Variants in TCF7L1 observed in about 807,000 individuals in gnomAD.
The protein encoded by TCF7L1 is transcription factor 7 like 1, also known as transcription factor 7-like 1.
Under a neutral mutation model 63.7 loss-of-function variants are expected in TCF7L1, and 18 were observed. The ratio of observed to expected loss-of-function variants is 0.28; its 90% confidence interval spans 0.20 to 0.42. The LOEUF (loss-of-function observed/expected upper bound fraction) is 0.42. Ranked by LOEUF, TCF7L1 falls within the 10% of genes least tolerant of loss-of-function variation. TCF7L1 has a pLI of 1.00. For synonymous variants in TCF7L1, 355 were observed against 340.9 expected (o/e 1.04, Z -0.46); for missense variants, 654 against 779.3 (o/e 0.84, Z 1.91).
chr2:85,206,277 G>A (rs1278172293), intron 3 of TCF7L1, among the ~76,000 whole-genome samples: 1 of 152,242 alleles, frequency 6.6e-6, no homozygotes, highest in Admixed American at 6.5e-5. Flanking sequence ...TGGCCATCTT[G>A]TGTGTTGGCT....
At chr2:85,185,564 C>T (rs1678899873) in intron 3 of TCF7L1, among the ~76,000 whole-genome samples, 1 of 152,134 alleles carries the variant, frequency 6.6e-6, no homozygotes. Context: ...AGCCAGAGCT[C>T]CTCATGGAAG....
intron 3 of TCF7L1, among the ~76,000 whole-genome samples, chr2:85,220,216 G>C (rs1679810608): frequency 6.6e-6 from 1 of 152,062 alleles, no homozygotes; most frequent in South Asian, 2.1e-4. Context: ...ATGAATGACA[G>C]ATCGGATACT....
chr2:85,155,641 A>G (rs1442895291), intron 3 of TCF7L1, among the ~76,000 whole-genome samples: 3 of 152,192 alleles, frequency 2.0e-5, no homozygotes, highest in African/African-American at 7.2e-5. Flanking sequence ...TCATAATTCT[A>G]GTTAATTTAC....
At chr2:85,243,452 G>T (rs1354419220) in intron 3 of TCF7L1, among the ~76,000 whole-genome samples, 1 of 152,148 alleles carries the variant, frequency 6.6e-6, no homozygotes, top group Non-Finnish European at 1.5e-5. Context: ...CCCCCTCTGT[G>T]CAGGGTTCGA....
At chr2:85,225,039 C>G (rs960079512) in intron 3 of TCF7L1, among the ~76,000 whole-genome samples, 37 of 152,146 alleles carry the variant, frequency 2.4e-4, no homozygotes, top group African/African-American at 8.7e-4. Flanking sequence ...AATAGGGAAT[C>G]CTTTCCCCAT....
intron 3 of TCF7L1, among the ~76,000 whole-genome samples, chr2:85,236,551 GA>G (rs1680197026): frequency 6.6e-6 from 1 of 152,172 alleles, no homozygotes; most frequent in South Asian, 2.1e-4. Flanking sequence ...AGAGAAAGGT[GA>G]GAGACAGGTG....
intron 3 of TCF7L1, among the ~76,000 whole-genome samples, chr2:85,196,660 A>G (rs559474321): frequency 6.6e-6 from 1 of 152,124 alleles, no homozygotes; most frequent in Admixed American, 6.5e-5. Flanking sequence ...GCAAGCCACC[A>G]CACCCAGCCC....
At chr2:85,282,793 ATTGT>A (rs1311135559) in intron 3 of TCF7L1, among the ~76,000 whole-genome samples, 5 of 56,572 alleles carry the variant, frequency 8.8e-5, no homozygotes, top group African/African-American at 2.5e-4. Context: ...AGAGAGAGAG[ATTGT>A]GTGTGTGTGT....
intron 3 of TCF7L1, among the ~76,000 whole-genome samples, chr2:85,203,167 G>A (rs1679317120): frequency 6.6e-6 from 1 of 152,112 alleles, no homozygotes; most frequent in Admixed American, 6.6e-5. Context: ...AGGTTAAAGT[G>A]TATTCTCCAT....
intron 3 of TCF7L1, among the ~76,000 whole-genome samples, chr2:85,185,960 ATTTTTTTT>A (rs67142055): frequency 1.1e-5 from 1 of 94,642 alleles, no homozygotes; most frequent in African/African-American, 4.5e-5. Context: ...AACACAGGGG[ATTTTTTTT>A]TTTTTTTTTT....
At chr2:85,201,001 G>A (rs1679257242) in intron 3 of TCF7L1, among the ~76,000 whole-genome samples, 1 of 152,192 alleles carries the variant, frequency 6.6e-6, no homozygotes, top group South Asian at 2.1e-4. Context: ...GGGAGTTCAA[G>A]TCTAGCCTGG....
chr2:85,180,735 A>G (rs888518338), intron 3 of TCF7L1, among the ~76,000 whole-genome samples: 1 of 152,188 alleles, frequency 6.6e-6, no homozygotes, highest in African/African-American at 2.4e-5. Context: ...GCCCGTTCCA[A>G]GTATCTGTAT....
chr2:85,301,649 G>A (rs983625055), intron 4 of TCF7L1, among the ~76,000 whole-genome samples: 6 of 152,162 alleles, frequency 3.9e-5, no homozygotes, highest in African/African-American at 1.2e-4. Flanking sequence ...AGTGAGGTCA[G>A]CAGAGTAAAG....
intron 3 of TCF7L1, among the ~76,000 whole-genome samples, chr2:85,273,640 C>G (rs1681205617): frequency 6.6e-6 from 1 of 152,184 alleles, no homozygotes; most frequent in Admixed American, 6.5e-5. Context: ...TGATTCCCCT[C>G]ACAGCTGGAA....
At chr2:85,282,163 T>C (rs1470545509) in intron 3 of TCF7L1, among the ~76,000 whole-genome samples, 1 of 152,182 alleles carries the variant, frequency 6.6e-6, no homozygotes, top group Non-Finnish European at 1.5e-5. Flanking sequence ...ATTTTTTGTT[T>C]TTTTAGTAGA....
At position 85,306,192 on chromosome 2, in the gene TCF7L1, A is replaced by C; in HGVS notation, c.990-14A>C. 6.2e-7 allele frequency: 1 copy of C among 1,614,068 alleles called. No individual in the cohort carries two copies. The highest frequency in any genetic ancestry group is 1.3e-5 in the African/African-American group (1 of 75,012). Reference sequence around the variant, plus strand: ...ACACCTGACATGCTAACCTACAACCACGTGCCTTCCCAGGAAATCACCAGT... The same window carrying C: ...ACACCTGACATGCTAACCTACAACCCCGTGCCTTCCCAGGAAATCACCAGT... On this transcript the variant is annotated splice_polypyrimidine_tract_variant and intron_variant, in intron 8 of 11. Coordinates refer to ENST00000282111, the MANE Select transcript of TCF7L1 (RefSeq NM_031283.3). This position sits in a 1 kb window ranked among gnomAD's most constrained non-coding sequence, Gnocchi z 4.3.
intron 3 of TCF7L1, among the ~76,000 whole-genome samples, chr2:85,203,576 T>A (rs139266725): frequency 0.071 from 10,761 of 151,754 alleles, 501 homozygotes; most frequent in African/African-American, 0.13. Flanking sequence ...AAAAAAATTT[T>A]AAATTAGCCA....
intron 3 of TCF7L1, among the ~76,000 whole-genome samples, chr2:85,248,954 C>T (rs1360159691): frequency 6.6e-6 from 1 of 151,968 alleles, no homozygotes; most frequent in East Asian, 1.9e-4. Flanking sequence ...CCTGTGGGTG[C>T]TCCATAAATA....
chr2:85,159,314 C>T lies in TCF7L1; in HGVS notation c.441+24864C>T, dbSNP rs531077437. On this transcript the variant is annotated intron_variant, in intron 3 of 11. Coordinates refer to ENST00000282111, the MANE Select transcript of TCF7L1 (RefSeq NM_031283.3). Reference sequence around the variant, plus strand: ...GGCGCCCGGGGCTCCCTGGGCAGACCATTCACTTCGGGAACCTGGTCTCCT... The same window carrying T: ...GGCGCCCGGGGCTCCCTGGGCAGACTATTCACTTCGGGAACCTGGTCTCCT... 2.0e-5 allele frequency among the ~76,000 whole-genome samples: 3 copies of T among 152,262 alleles called. No homozygotes were observed. In the South Asian group the frequency reaches 6.2e-4, roughly 32 times the overall value.
Sources: allele counts gnomAD v4.1 joint callset (sites outside exome capture counted in the v4.1 genomes callset), GRCh38; gene constraint gnomAD v4.1.1; non-coding constraint Gnocchi (gnomAD v3.1); transcripts MANE v1.5; gene names NCBI Gene and HGNC (gene_info 2026-07-23, HGNC 2026-07-21).